NCKAP5: variants seen among roughly 807,000 people sequenced by gnomAD.
NCKAP5 encodes the protein NCK associated protein 5.
A neutral mutation model predicts 167.0 loss-of-function variants in NCKAP5; 92 were observed. The observed-to-expected ratio is 0.55, with a 90% confidence interval of 0.47 to 0.66. The LOEUF is 0.66. Ranked by LOEUF, NCKAP5 falls within the 30% of genes least tolerant of loss-of-function variation. The pLI is 0.00. For synonymous variants in NCKAP5, 891 were observed against 877.4 expected (o/e 1.02, Z -0.27); for missense variants, 2,378 against 2,315.0 (o/e 1.03, Z -0.56).
intron 6 of NCKAP5, among the ~76,000 whole-genome samples, chr2:133,077,396 T>C (rs1347877772): frequency 6.6e-6 from 1 of 152,166 alleles, no homozygotes; most frequent in Non-Finnish European, 1.5e-5. Flanking sequence ...TACTTCTTCA[T>C]GAGAGGTTTT....
chr2:132,890,142 A>G (rs900996105), intron 8 of NCKAP5, among the ~76,000 whole-genome samples: 3 of 152,218 alleles, frequency 2.0e-5, no homozygotes, highest in Non-Finnish European at 4.4e-5. Context: ...TAAAATACCA[A>G]TTCAACTCAT....
At chr2:133,210,121 G>A (rs377579334) in intron 5 of NCKAP5, among the ~76,000 whole-genome samples, 1 of 150,488 alleles carries the variant, frequency 6.6e-6, no homozygotes, top group Non-Finnish European at 1.5e-5. Flanking sequence ...GCCGAGACCG[G>A]GCCACTGCAC....
intron 6 of NCKAP5, among the ~76,000 whole-genome samples, chr2:133,051,865 T>G (rs1014839370): frequency 6.6e-6 from 1 of 152,226 alleles, no homozygotes; most frequent in African/African-American, 2.4e-5. Context: ...AAAAGATAAC[T>G]TATTGATCTG....
At chr2:133,613,098 C>G in the NCKAP5 span, among the ~76,000 whole-genome samples, 1 of 152,198 alleles carries the variant, frequency 6.6e-6, no homozygotes, top group Non-Finnish European at 1.5e-5. Flanking sequence ...CATTCCAACC[C>G]TTAATGTATT....
chr2:133,224,881 G>A (rs949313792), intron 4 of NCKAP5, among the ~76,000 whole-genome samples: 14 of 152,014 alleles, frequency 9.2e-5, no homozygotes, highest in Non-Finnish European at 1.8e-4. Context: ...AGCTTTCCTT[G>A]AGATATATAC....
chr2:133,296,368 T>TA (rs1679962427), intron 4 of NCKAP5, among the ~76,000 whole-genome samples: 1 of 149,758 alleles, frequency 6.7e-6, no homozygotes, highest in Non-Finnish European at 1.5e-5. Flanking sequence ...AACTATCTTT[T>TA]AAAAACTCTG....
chr2:132,856,925 G>A (rs1345040963), intron 11 of NCKAP5, among the ~76,000 whole-genome samples: 1 of 152,148 alleles, frequency 6.6e-6, no homozygotes, highest in Non-Finnish European at 1.5e-5. Context: ...TAAATCCTTG[G>A]TCTGTCAAAT....
intron 3 of NCKAP5, among the ~76,000 whole-genome samples, chr2:133,426,319 C>T (rs1689797580): frequency 6.6e-6 from 1 of 151,178 alleles, no homozygotes; most frequent in Admixed American, 6.6e-5. Flanking sequence ...ATGGAGAACA[C>T]CTCATATCAA....
chr2:132,760,347 G>C (rs1680896963), intron 16 of NCKAP5, among the ~76,000 whole-genome samples: 1 of 152,012 alleles, frequency 6.6e-6, no homozygotes, highest in Non-Finnish European at 1.5e-5. Context: ...TTGAAGCATA[G>C]TTTCACTGAG....
chr2:133,331,654 C>T (rs996233272), intron 3 of NCKAP5, among the ~76,000 whole-genome samples: 15 of 152,136 alleles, frequency 9.9e-5, no homozygotes, highest in Non-Finnish European at 1.5e-4. Flanking sequence ...ACAGCCAACC[C>T]AGGACCGGTT....
chr2:133,522,175 T>C (rs1276727096), intron 2 of NCKAP5, among the ~76,000 whole-genome samples: 1 of 152,164 alleles, frequency 6.6e-6, no homozygotes, highest in African/African-American at 2.4e-5. Context: ...CAGAACAGCA[T>C]CAACAGCAGG....
the NCKAP5 span, among the ~76,000 whole-genome samples, chr2:133,657,212 A>G: frequency 6.6e-6 from 1 of 152,126 alleles, no homozygotes; most frequent in Non-Finnish European, 1.5e-5. Flanking sequence ...GAAACACCTC[A>G]TTGTGTGCCC....
chr2:132,919,113 TG>T (rs1695110656), intron 8 of NCKAP5, among the ~76,000 whole-genome samples: 1 of 152,166 alleles, frequency 6.6e-6, no homozygotes, highest in South Asian at 2.1e-4. Flanking sequence ...CTAACTAACA[TG>T]GCAATTCACA....
the NCKAP5 span, among the ~76,000 whole-genome samples, chr2:133,644,007 T>A: frequency 6.6e-6 from 1 of 152,220 alleles, no homozygotes; most frequent in African/African-American, 2.4e-5. Flanking sequence ...CATGCCCCTG[T>A]CACTACATTT....
chr2:133,168,787 C>G (rs1264948736), intron 5 of NCKAP5, among the ~76,000 whole-genome samples: 3 of 152,140 alleles, frequency 2.0e-5, no homozygotes, highest in Admixed American at 6.5e-5. Flanking sequence ...TATAAGGTCA[C>G]ATTTGTTCTT....
intron 16 of NCKAP5, among the ~76,000 whole-genome samples, chr2:132,765,549 G>C (rs978843575): frequency 1.7e-5 from 2 of 117,238 alleles, no homozygotes; most frequent in Non-Finnish European, 3.5e-5. Context: ...TCTTGACCTT[G>C]TGACCTGCCC....
chr2:133,514,291 A>G (rs1683790708), intron 3 of NCKAP5, among the ~76,000 whole-genome samples: 1 of 152,218 alleles, frequency 6.6e-6, no homozygotes, highest in Admixed American at 6.5e-5. Context: ...AAGTAAAAAA[A>G]TCACCATCAA....
the NCKAP5 span, among the ~76,000 whole-genome samples, chr2:133,649,994 TAAAAC>T: frequency 6.6e-6 from 1 of 152,084 alleles, no homozygotes; most frequent in African/African-American, 2.4e-5. Context: ...ATAAAACTGT[TAAAAC>T]TAATAAATGA....
intron 6 of NCKAP5, among the ~76,000 whole-genome samples, chr2:133,107,383 T>C (rs1173435204): frequency 6.6e-6 from 1 of 152,218 alleles, no homozygotes; most frequent in Non-Finnish European, 1.5e-5. Flanking sequence ...CTTAGTAAAA[T>C]TCACATTTTG....
Sources: allele counts gnomAD v4.1 joint callset (sites outside exome capture counted in the v4.1 genomes callset), GRCh38; gene constraint gnomAD v4.1.1; transcripts MANE v1.5; gene names NCBI Gene and HGNC (gene_info 2026-07-23, HGNC 2026-07-21).